Variants in WNT7B observed in about 807,000 individuals in gnomAD.
WNT7B encodes the protein protein Wnt-7b.
WNT7B carries 19 observed loss-of-function variants against 38.2 expected under a neutral mutation model. The ratio of observed to expected loss-of-function variants is 0.50; its 90% CI spans 0.35 to 0.73. WNT7B has a LOEUF of 0.73. Ranked by LOEUF, WNT7B falls within the 30% of genes least tolerant of loss-of-function variation. The pLI, the probability that WNT7B is intolerant of heterozygous loss-of-function variation, is 0.01. For synonymous variants in WNT7B, 243 were observed against 209.3 expected (o/e 1.16, Z -1.39); for missense variants, 423 against 507.9 (o/e 0.83, Z 1.61).
chr22:45,928,630 C>CCTGTCT (rs1931174830), intron 3 of WNT7B, among the ~76,000 whole-genome samples: 1 of 149,688 alleles, frequency 6.7e-6, no homozygotes, highest in Non-Finnish European at 1.5e-5. Context: ...TTTCCCACCT[C>CCTGTCT]CTGTCTCCAT....
chr22:45,964,609 G>A (rs778716386), intron 1 of WNT7B, among the ~76,000 whole-genome samples: 24 of 152,246 alleles, frequency 1.6e-4, no homozygotes, highest in South Asian at 6.2e-4. Context: ...ATCCAGCCCC[G>A]GGCCACCCAC....
intron 1 of WNT7B, among the ~76,000 whole-genome samples, chr22:45,950,516 G>C (rs947898521): frequency 6.6e-6 from 1 of 152,234 alleles, no homozygotes; most frequent in Non-Finnish European, 1.5e-5. Context: ...ACTCGGGACT[G>C]TCTGCGCTGT....
At chr22:45,930,679 T>C (rs913917237) in intron 3 of WNT7B, among the ~76,000 whole-genome samples, 1 of 152,172 alleles carries the variant, frequency 6.6e-6, no homozygotes, top group Non-Finnish European at 1.5e-5. Context: ...CATCCCTTCC[T>C]TGCTGAGCAA....
At chr22:45,964,694 C>A (rs994694214) in intron 1 of WNT7B, among the ~76,000 whole-genome samples, 1 of 152,152 alleles carries the variant, frequency 6.6e-6, no homozygotes, top group East Asian at 1.9e-4. Flanking sequence ...CCTGGGCAAT[C>A]GGCCGTGACC....
At chr22:45,971,873 G>A (rs1932448681) in intron 1 of WNT7B, among the ~76,000 whole-genome samples, 1 of 152,196 alleles carries the variant, frequency 6.6e-6, no homozygotes, top group African/African-American at 2.4e-5. Flanking sequence ...CTCGCGCTGG[G>A]CGTGCACAGC....
intron 2 of WNT7B, among the ~76,000 whole-genome samples, chr22:45,946,265 AG>A (rs1483556610): frequency 1.3e-5 from 2 of 152,136 alleles, no homozygotes; most frequent in Non-Finnish European, 2.9e-5. Context: ...CTGGCCCCAG[AG>A]CCTCAGCAGA....
rs768860006 is a variant in WNT7B at position 45,976,642 on chromosome 22, G to A, written c.71+42C>T. Reference sequence around the variant, plus strand: ...GCCCCGGAGGCAGCTCCTTCGTGCTGTCTTGGCCCCTGGCTGCTGCCCTCG... The same window carrying A: ...GCCCCGGAGGCAGCTCCTTCGTGCTATCTTGGCCCCTGGCTGCTGCCCTCG... On this transcript the variant is annotated intron_variant, in intron 1 of 3. Coordinates refer to ENST00000339464, the MANE Select transcript of WNT7B (RefSeq NM_058238.3). The surrounding 1 kb of genome is among the most constrained non-coding windows in gnomAD (Gnocchi z 8.5). 6.3e-7 allele frequency: 1 copy of A among 1,590,928 alleles called. No individual in the cohort carries two copies. The highest frequency in any genetic ancestry group is 8.6e-7 in the Non-Finnish European group (1 of 1,167,400).
chr22:45,934,405 T>TA (rs1342293121), intron 2 of WNT7B, among the ~76,000 whole-genome samples: 2 of 152,098 alleles, frequency 1.3e-5, no homozygotes, highest in African/African-American at 4.8e-5. Flanking sequence ...GTAGGAGCTC[T>TA]AGGGAGGCTG....
Position 45,966,266 on chromosome 22 carries a change from G to A in WNT7B, c.71+10418C>T, listed in dbSNP as rs1407554253. On this transcript the variant is annotated intron_variant, in intron 1 of 3. Coordinates refer to ENST00000339464, the MANE Select transcript of WNT7B (RefSeq NM_058238.3). The surrounding 1 kb of genome is among the most constrained non-coding windows in gnomAD (Gnocchi z 4.2). ...TGCATTCTGGAGGACTTCCCAATTGGAAGGGGCTTTGCCATCTGTCTCACC... is the reference window on the plus strand; with the variant it reads ...TGCATTCTGGAGGACTTCCCAATTGAAAGGGGCTTTGCCATCTGTCTCACC... Among the ~76,000 whole-genome samples, 2 of 152,234 alleles carry A rather than the reference G, an allele frequency of 1.3e-5. No homozygotes were observed. The highest frequency in any genetic ancestry group is 2.9e-5 in the Non-Finnish European group (2 of 68,042).
intron 2 of WNT7B, among the ~76,000 whole-genome samples, chr22:45,943,479 C>T (rs1293017523): frequency 6.6e-6 from 1 of 152,222 alleles, no homozygotes; most frequent in Non-Finnish European, 1.5e-5. Context: ...CCCTGAGGTG[C>T]TCGGGGAGCC....
chr22:45,964,943 G>T (rs1932279369), intron 1 of WNT7B, among the ~76,000 whole-genome samples: 1 of 152,068 alleles, frequency 6.6e-6, no homozygotes, highest in Non-Finnish European at 1.5e-5. Context: ...GCAGCTGGTG[G>T]GCAGGACCAG....
intron 2 of WNT7B, among the ~76,000 whole-genome samples, chr22:45,932,931 G>A (rs943107708): frequency 6.6e-6 from 1 of 152,236 alleles, no homozygotes; most frequent in African/African-American, 2.4e-5. Context: ...TGAGGTGACA[G>A]CCCGCAGATA....
At position 45,925,772 on chromosome 22, in the gene WNT7B, G is replaced by A. The variant is rs1421736642; in HGVS notation, c.571-2437C>T. The A allele has an allele frequency of 1.2e-5, 12 of 985,390 alleles. No homozygotes were observed. The East Asian group carries it at 4.5e-4, about 37-fold the overall frequency. 61.0% of individuals were successfully genotyped at this position (985,390 alleles called of 1,614,324 possible). A position where few individuals can be genotyped will look rare whatever the true frequency, so the allele number is the denominator to read the frequency against. The stretch of plus-strand genomic sequence containing the variant: ...AGCTGCCCTGATGGTGGCCCCTCTC[G>A]GAGTTCCCAGCCGGGAGAAGTTCAC... On this transcript the variant is annotated intron_variant, in intron 3 of 3. Coordinates refer to ENST00000339464, the MANE Select transcript of WNT7B (RefSeq NM_058238.3).
intron 2 of WNT7B, among the ~76,000 whole-genome samples, chr22:45,933,288 C>T (rs1307494959): frequency 6.6e-6 from 1 of 152,214 alleles, no homozygotes; most frequent in Non-Finnish European, 1.5e-5. Flanking sequence ...TCAGCCTCCT[C>T]TGAGCTGCAG....
chr22:45,929,823 C>T (rs1931262865), intron 3 of WNT7B, among the ~76,000 whole-genome samples: 2 of 151,360 alleles, frequency 1.3e-5, no homozygotes, highest in South Asian at 4.2e-4. Flanking sequence ...CATCTATCTT[C>T]CCATGCACTC....
rs367797133 is a variant in WNT7B at position 45,957,682 on chromosome 22, C to CAAAAAAAAAAAAAAAAAA, written c.72-7554_72-7537dup. 3.6e-4 allele frequency among the ~76,000 whole-genome samples: 13 copies of CAAAAAAAAAAAAAAAAAA among 36,012 alleles called. 1 individual carries two copies. Among genetic ancestry groups the CAAAAAAAAAAAAAAAAAA allele is most frequent in the African/African-American group, 9.6e-4 (10 of 10,452 alleles). The allele number at this position is 36,012 out of a possible 152,430, so 23.6% of individuals were successfully genotyped here. A position where few individuals can be genotyped will look rare whatever the true frequency, so the allele number is the denominator to read the frequency against. On this transcript the variant is annotated intron_variant, in intron 1 of 3. Transcript: ENST00000339464. ...TGCGTGAGGGAGCAAGACTCCGTCT[C>CAAAAAAAAAAAAAAAAAA]AAAAAAAAAAAAAAAAAAAAAAAAA...
At chr22:45,936,460 C>A (rs1464423073) in intron 2 of WNT7B, among the ~76,000 whole-genome samples, 1 of 152,256 alleles carries the variant, frequency 6.6e-6, no homozygotes, top group Non-Finnish European at 1.5e-5. Context: ...GCCCCATCGG[C>A]CCTGCCCAGC....
At chr22:45,969,036 G>A (rs1601742927) in intron 1 of WNT7B, among the ~76,000 whole-genome samples, 3 of 152,320 alleles carry the variant, frequency 2.0e-5, no homozygotes, top group East Asian at 3.9e-4. Flanking sequence ...GCCACGGGGC[G>A]CATCCTGTCC....
Position 45,971,941 on chromosome 22 carries a change from C to T in WNT7B, c.71+4743G>A, listed in dbSNP as rs1404267941. ...GCCATCCTTTCTTTGACCCCAGAGC[C>T]AGGACTTCTCACTGCCGTAGCTGCC... On this transcript the variant is annotated intron_variant, in intron 1 of 3. Transcript: ENST00000339464. Among the ~76,000 whole-genome samples, 8 of 152,268 alleles carry T rather than the reference C, an allele frequency of 5.3e-5. No individual in the cohort carries two copies. The East Asian group carries it at 1.5e-3, about 29-fold the overall frequency.
Sources: allele counts gnomAD v4.1 joint callset (sites outside exome capture counted in the v4.1 genomes callset), GRCh38; gene constraint gnomAD v4.1.1; non-coding constraint Gnocchi (gnomAD v3.1); transcripts MANE v1.5; gene names NCBI Gene and HGNC (gene_info 2026-07-23, HGNC 2026-07-21).